Variants in USH2A observed in about 807,000 individuals in gnomAD.
USH2A encodes Usher syndrome 2A (autosomal recessive, mild).
In USH2A, 443 loss-of-function variants were observed where a neutral mutation model predicts 538.9. The ratio of observed to expected loss-of-function variants is 0.82; its 90% CI spans 0.76 to 0.89. The LOEUF is 0.89. USH2A is among the 40% of genes least tolerant of loss of function. The pLI, the probability that USH2A is intolerant of heterozygous loss-of-function variation, is 0.00. For missense variants in USH2A, 6,633 were observed against 6,324.8 expected, an observed-to-expected ratio of 1.05 and a Z score of -1.65; for synonymous variants, 2,413 against 2,273.5, an observed-to-expected ratio of 1.06 and a Z score of -1.75.
chr1:216,269,831 C>T (rs1056876189), intron 11 of USH2A, among the ~76,000 whole-genome samples: 8 of 152,064 alleles, frequency 5.3e-5, no homozygotes, highest in African/African-American at 9.7e-5. Context: ...CACAGTCAAC[C>T]GGGTGACAAT....
At chr1:216,187,996 C>G (rs1245617478) in intron 20 of USH2A, among the ~76,000 whole-genome samples, 2 of 151,866 alleles carry the variant, frequency 1.3e-5, no homozygotes, top group Non-Finnish European at 2.9e-5. Context: ...CTAACTTTCA[C>G]GTCACATGAC....
intron 43 of USH2A, among the ~76,000 whole-genome samples, chr1:215,868,216 T>C (rs1229618884): frequency 1.3e-5 from 2 of 152,204 alleles, no homozygotes; most frequent in Non-Finnish European, 2.9e-5. Flanking sequence ...TGGTGTGGCA[T>C]GGGTGGGTAG....
chr1:215,639,015 ACT>A, intron 69 of USH2A, 138 bp downstream of exon 69: 2 of 880,802 alleles, frequency 2.3e-6, no homozygotes, highest in Non-Finnish European at 3.7e-6. Context: ...AAAAAAAAAA[ACT>A]CTGACAACAC....
chr1:215,867,368 C>T (rs148848901), intron 43 of USH2A, among the ~76,000 whole-genome samples, 198 bp from the exon 44 acceptor site: 3 of 152,100 alleles, frequency 2.0e-5, no homozygotes, highest in Non-Finnish European at 4.4e-5. Context: ...TTGTGACTTG[C>T]CAGCATAAAC....
At position 216,148,738 on chromosome 1, in the gene USH2A, A is replaced by G. The variant is rs182125560; in HGVS notation, c.4627+26514T>C. Reference sequence around the variant, plus strand: ...CTATACACCCTGTGGTGCCAAACCCATATACTCTCCTATCCTCAATACCTG... The same window carrying G: ...CTATACACCCTGTGGTGCCAAACCCGTATACTCTCCTATCCTCAATACCTG... On this transcript the variant is annotated intron_variant, in intron 21 of 71. Coordinates refer to ENST00000307340, the MANE Select transcript of USH2A (RefSeq NM_206933.4). 7.9e-3 allele frequency among the ~76,000 whole-genome samples: 1,191 copies of G among 151,694 alleles called. 15 individuals carry two copies. The highest frequency in any genetic ancestry group is 0.028 in the African/African-American group (1,155 of 41,324).
intron 61 of USH2A, among the ~76,000 whole-genome samples, chr1:215,717,705 T>A (rs559859431): frequency 3.3e-5 from 5 of 152,204 alleles, no homozygotes; most frequent in Non-Finnish European, 7.3e-5. Context: ...TTGGTCTTGA[T>A]CACTGAATTA....
chr1:215,625,529 CTTT>C lies in USH2A; in HGVS notation c.*249_*251del, dbSNP rs1655986599. The stretch of plus-strand genomic sequence containing the variant: ...AGAACCAAGTGACAATTACATACTT[CTTT>C]GTCTTCTACAAAATAAGAGCAAATC... On this transcript the variant is annotated 3_prime_UTR_variant, in exon 72 of 72. Coordinates refer to ENST00000307340, the MANE Select transcript of USH2A (RefSeq NM_206933.4). The C allele has an allele frequency of 1.9e-6, 1 of 526,520 alleles. No homozygotes were observed. Among genetic ancestry groups the C allele is most frequent in the Admixed American group, 3.1e-5 (1 of 31,902 alleles). 32.6% of individuals were successfully genotyped at this position (526,520 alleles called of 1,614,324 possible).
At chr1:216,034,648 G>A (rs60833551) in intron 32 of USH2A, among the ~76,000 whole-genome samples, 2,749 of 152,092 alleles carry the variant, frequency 0.018, 77 homozygotes, top group African/African-American at 0.063. Flanking sequence ...TTGGGGTGAC[G>A]CAACTGCAAG....
intron 21 of USH2A, among the ~76,000 whole-genome samples, chr1:216,148,830 A>C (rs1066173): frequency 0.84 from 126,474 of 150,010 alleles, 53,436 homozygotes; most frequent in East Asian, 0.98. Flanking sequence ...TTGCACCCTT[A>C]ATCCCAGCCT....
In USH2A at chr1:215,634,669, T is replaced by A. The variant is rs771507804; in HGVS notation, c.15087A>T (p.Gly5029=). The change falls in exon 70 of 72, where the codon GGA becomes GGT. Residue 5029 remains glycine (G), a synonymous_variant. Transcript: ENST00000307340. The stretch of plus-strand genomic sequence containing the variant: ...AGAACTCTGTGCTTTTGCTCCGCGA[T>A]CCCTTCTTTTTCCCAGGAGTTGTTA... The part of the protein sequence containing the change: ...LVLTTPGKKK[G]SRSKSTEFYS... 1.2e-6 allele frequency: 2 copies of A among 1,614,254 alleles called. No homozygotes were observed. Among genetic ancestry groups the A allele is most frequent in the Non-Finnish European group, 1.7e-6 (2 of 1,180,052 alleles).
rs527320571 is a variant in USH2A at position 216,383,308 on chromosome 1, G to A, written c.652-18223C>T. Among the ~76,000 whole-genome samples, 3 of 152,218 alleles carry A rather than the reference G, an allele frequency of 2.0e-5. No homozygotes were observed. In the South Asian group the frequency reaches 6.2e-4, roughly 32 times the overall value. On this transcript the variant is annotated intron_variant, in intron 3 of 71. Transcript: ENST00000307340. ...CAAAGATTCAGAAGGTACATCACTG[G>A]CCATGTTCCTTTTCAGAATAGAAAT...
intron 37 of USH2A, among the ~76,000 whole-genome samples, chr1:215,951,373 T>A (rs922119549): frequency 6.6e-6 from 1 of 152,160 alleles, no homozygotes; most frequent in African/African-American, 2.4e-5. Context: ...TTTGAGTGAG[T>A]TTCTTAATCC....
intron 71 of USH2A, among the ~76,000 whole-genome samples, chr1:215,627,469 C>CTTCCTTCCTTCT (rs1558027655): frequency 1.4e-5 from 2 of 138,114 alleles, no homozygotes; most frequent in African/African-American, 5.5e-5. Flanking sequence ...TCCTTCCTTC[C>CTTCCTTCCTTCT]TTCCTTCCTT....
intron 41 of USH2A, among the ~76,000 whole-genome samples, chr1:215,887,051 G>A (rs1665075772): frequency 1.3e-5 from 2 of 152,056 alleles, no homozygotes; most frequent in African/African-American, 2.4e-5. Context: ...TAGAGACGGG[G>A]TTTCACTGTG....
intron 21 of USH2A, among the ~76,000 whole-genome samples, chr1:216,171,103 A>G (rs2034269308): frequency 6.6e-6 from 1 of 152,118 alleles, no homozygotes; most frequent in South Asian, 2.1e-4. Flanking sequence ...TTCTTAAATT[A>G]TTAGAGAAAA....
rs762357959 is a variant in USH2A at position 215,766,727 on chromosome 1, A to G, written c.11001T>C (p.Thr3667=). 4 of 1,613,724 alleles carry G rather than the reference A, an allele frequency of 2.5e-6. No homozygotes were observed. Among genetic ancestry groups the G allele is most frequent in the African/African-American group, 1.3e-5 (1 of 75,034 alleles). Residue 3667 remains threonine, a synonymous_variant, in exon 56 of 72, where the codon ACT becomes ACC. Coordinates refer to ENST00000307340, the MANE Select transcript of USH2A (RefSeq NM_206933.4). ...TCTGACCTAGAAAAGGCTCGCTTGAAGTGCACCCAGCAGATGTACAAGCTG... is the reference window on the plus strand; with the variant it reads ...TCTGACCTAGAAAAGGCTCGCTTGAGGTGCACCCAGCAGATGTACAAGCTG... ...TLTACTSAGC[T]SSEPFLGQTL... is the part of the protein sequence containing the mutation.
intron 46 of USH2A, among the ~76,000 whole-genome samples, chr1:215,843,471 T>G (rs987286187): frequency 2.0e-5 from 3 of 152,158 alleles, no homozygotes; most frequent in African/African-American, 7.2e-5. Context: ...TTCCCTATAC[T>G]TTTTCTACTT....
intron 32 of USH2A, among the ~76,000 whole-genome samples, chr1:216,005,115 T>G (rs1168432322): frequency 6.6e-6 from 1 of 152,192 alleles, no homozygotes; most frequent in Non-Finnish European, 1.5e-5. Flanking sequence ...CCCTATTTTT[T>G]TCATACACTA....
chr1:215,765,196 G>T (rs1661092722), intron 56 of USH2A, among the ~76,000 whole-genome samples: 1 of 152,078 alleles, frequency 6.6e-6, no homozygotes, highest in South Asian at 2.1e-4. Flanking sequence ...CTGGTTGATA[G>T]ATCCTTTAGA....
Sources: allele counts gnomAD v4.1 joint callset (sites outside exome capture counted in the v4.1 genomes callset), GRCh38; gene constraint gnomAD v4.1.1; transcripts MANE v1.5; gene names NCBI Gene and HGNC (gene_info 2026-07-23, HGNC 2026-07-21).